NAV3: variants seen among roughly 807,000 people sequenced by gnomAD.
NAV3 encodes the protein neuron navigator 3.
A neutral mutation model predicts 244.7 loss-of-function variants in NAV3; 87 were observed. That is an observed-to-expected ratio of 0.36 (90% CI 0.30 to 0.42). NAV3 has a LOEUF of 0.42. NAV3 is among the 20% of genes least tolerant of loss of function. NAV3 has a pLI of 1.00. For synonymous variants in NAV3, 1,126 were observed against 1,042.2 expected (o/e 1.08, Z -1.55); for missense variants, 2,663 against 2,893.3 (o/e 0.92, Z 1.83).
intron 12 of NAV3, among the ~76,000 whole-genome samples, chr12:78,092,314 A>G (rs1953986779): frequency 6.6e-6 from 1 of 151,926 alleles, no homozygotes; most frequent in African/African-American, 2.4e-5. Context: ...TCAAACAGAA[A>G]GGACGTTGGA....
At chr12:78,177,403 A>C in intron 27 of NAV3, 90 bp downstream of exon 27, 1 of 1,417,718 alleles carries the variant, frequency 7.1e-7, no homozygotes, top group Admixed American at 2.3e-5. Context: ...TATCTGTACC[A>C]ATTATTTTCA....
intron 1 of NAV3, among the ~76,000 whole-genome samples, chr12:77,912,221 G>A (rs779710678): frequency 5.9e-5 from 9 of 152,056 alleles, no homozygotes; most frequent in Admixed American, 2.6e-4. Context: ...AGATCATACA[G>A]AATTAGAATG....
intron 2 of NAV3, among the ~76,000 whole-genome samples, chr12:77,699,350 G>T (rs1170111939): frequency 6.6e-6 from 1 of 152,096 alleles, no homozygotes; most frequent in East Asian, 1.9e-4. Flanking sequence ...ATTCCCCAAT[G>T]AAATCTTGTA....
chr12:77,627,816 G>C (rs1565743112), intron 2 of NAV3, among the ~76,000 whole-genome samples: 1 of 152,088 alleles, frequency 6.6e-6, no homozygotes, highest in African/African-American at 2.4e-5. Context: ...AGAAAATGTG[G>C]TATATATATA....
At chr12:77,728,930 C>A (rs1301547914) in intron 2 of NAV3, among the ~76,000 whole-genome samples, 1 of 151,862 alleles carries the variant, frequency 6.6e-6, no homozygotes, top group East Asian at 1.9e-4. Context: ...GCCTACTCAG[C>A]ATGAAGACAA....
intron 1 of NAV3, among the ~76,000 whole-genome samples, chr12:77,880,689 G>A (rs937375971): frequency 6.6e-6 from 1 of 152,050 alleles, no homozygotes; most frequent in Non-Finnish European, 1.5e-5. Flanking sequence ...TTTTTATTGT[G>A]TCTTTTCTAC....
At chr12:78,038,296 T>C (rs1880258453) in intron 9 of NAV3, among the ~76,000 whole-genome samples, 1 of 152,236 alleles carries the variant, frequency 6.6e-6, no homozygotes, top group Non-Finnish European at 1.5e-5. Context: ...ATATCATATT[T>C]TATGTCAATG....
At chr12:78,160,378 A>AGTGTGTGTGTGTGTGT (rs10628612) in intron 23 of NAV3, among the ~76,000 whole-genome samples, 166 of 134,030 alleles carry the variant, frequency 1.2e-3, no homozygotes, top group South Asian at 5.9e-3. Flanking sequence ...AATTCTATGG[A>AGTGTGTGTGTGTGTGT]GTGTGTGTGT....
At chr12:78,148,740 G>A (rs1956960686) in intron 21 of NAV3, 102 bp from the exon 22 acceptor site, 16 of 951,472 alleles carry the variant, frequency 1.7e-5, no homozygotes, top group Non-Finnish European at 2.4e-5. Flanking sequence ...ATACAATGGG[G>A]TTAGAATGAG....
At chr12:77,670,882 C>T (rs560140947) in intron 2 of NAV3, among the ~76,000 whole-genome samples, 28 of 152,132 alleles carry the variant, frequency 1.8e-4, no homozygotes, top group South Asian at 6.2e-4. Flanking sequence ...TGGAACAAGA[C>T]GAGGATGGGT....
At chr12:77,718,373 C>A (rs536167737) in intron 2 of NAV3, among the ~76,000 whole-genome samples, 48 of 152,228 alleles carry the variant, frequency 3.2e-4, no homozygotes, top group Admixed American at 1.2e-3. Context: ...TGTCAAAGAT[C>A]ATTTGACCAA....
chr12:77,755,703 T>C (rs1348344409), intron 2 of NAV3, among the ~76,000 whole-genome samples: 1 of 149,656 alleles, frequency 6.7e-6, no homozygotes, highest in Non-Finnish European at 1.5e-5. Context: ...TTTTCTTTCC[T>C]TTTTCTTTAT....
chr12:77,954,752 T>C (rs1891207803), intron 3 of NAV3, among the ~76,000 whole-genome samples: 1 of 152,200 alleles, frequency 6.6e-6, no homozygotes, highest in Non-Finnish European at 1.5e-5. Context: ...AGTTAGTGTA[T>C]TACAACTGAA....
chr12:78,197,835 C>T (rs1407205218), intron 35 of NAV3, among the ~76,000 whole-genome samples: 8 of 151,806 alleles, frequency 5.3e-5, no homozygotes, highest in African/African-American at 7.2e-5. Flanking sequence ...CCAACAACAA[C>T]GTTGGAATAG....
At chr12:78,090,123 C>T (rs146487060) in intron 12 of NAV3, among the ~76,000 whole-genome samples, 1 of 151,492 alleles carries the variant, frequency 6.6e-6, no homozygotes, top group African/African-American at 2.4e-5. Flanking sequence ...TGCTACTATA[C>T]TTTGTGTATG....
rs368822889 is a variant in NAV3, at chr12:78,116,783, G to C, written c.2648G>C (p.Ser883Thr). ...VTVDADSWDD[S>T]SSVSSGLSDT... Reference sequence around the variant, plus strand: ...TGTCTTGCCTTTAGCTGGGATGACAGCAGTTCAGTGAGCAGTGGTCTCAGT... The same window carrying C: ...TGTCTTGCCTTTAGCTGGGATGACACCAGTTCAGTGAGCAGTGGTCTCAGT... Residue 883 changes from serine to threonine, a missense_variant, in exon 13 of 40, where the codon AGC becomes ACC. This residue lies in a region of NAV3 where 1,521 missense variants were observed against 1,497.0 expected (regional missense o/e 1.02). Coordinates refer to ENST00000397909, the MANE Select transcript of NAV3 (RefSeq NM_001024383.2). The C allele has an allele frequency of 1.3e-6, 2 of 1,595,652 alleles. No homozygotes were observed. Among genetic ancestry groups the C allele is most frequent in the African/African-American group, 2.7e-5 (2 of 74,504 alleles).
At chr12:77,669,413 T>C (rs979066554) in intron 2 of NAV3, among the ~76,000 whole-genome samples, 2 of 151,530 alleles carry the variant, frequency 1.3e-5, no homozygotes, top group African/African-American at 4.9e-5. Context: ...AAAGACAGAG[T>C]GGATAAGAAT....
chr12:77,724,240 T>C (rs1251051320), intron 2 of NAV3, among the ~76,000 whole-genome samples: 2 of 152,002 alleles, frequency 1.3e-5, no homozygotes, highest in South Asian at 2.1e-4. Context: ...TGGGCACTTA[T>C]GTATTTGTTT....
At chr12:77,716,483 T>C (rs186015500) in intron 2 of NAV3, among the ~76,000 whole-genome samples, 84 of 152,052 alleles carry the variant, frequency 5.5e-4, no homozygotes, top group African/African-American at 1.8e-3. Context: ...TTTCATGTTT[T>C]ATGAAAAAAA....
Sources: gnomAD v4.1 joint callset for allele counts (sites outside exome capture counted in the v4.1 genomes callset) on GRCh38, gnomAD v4.1.1 for gene constraint, gnomAD v4.1.1 regional missense constraint, MANE v1.5 for transcripts, NCBI Gene and HGNC (gene_info 2026-07-23, HGNC 2026-07-21) for gene names.